The following IFT122 variants were observed in gnomAD, a reference collection of about 807,000 sequenced individuals.
The protein encoded by IFT122 is intraflagellar transport protein 122 homolog.
A neutral mutation model predicts 161.6 loss-of-function variants in IFT122; 118 were observed. That is an observed-to-expected ratio of 0.73 (90% CI 0.63 to 0.85). The LOEUF (loss-of-function observed/expected upper bound fraction) is 0.85. Among genes scored for constraint, IFT122 ranks in the 40% least tolerant of loss-of-function variants. The probability of loss-of-function intolerance (pLI) is 0.00; values close to 1 mark genes in which losing one functional copy is unlikely to be tolerated. For missense variants in IFT122, 1,381 were observed against 1,579.6 expected (o/e 0.87, Z 2.13); for synonymous variants, 550 against 602.4 (o/e 0.91, Z 1.27).
chr3:129,517,477 C>T lies in IFT122; in HGVS notation c.3274C>T (p.His1092Tyr). 1 of 1,613,838 alleles carries T rather than the reference C, an allele frequency of 6.2e-7. No individual in the cohort carries two copies. Among genetic ancestry groups the T allele is most frequent in the Non-Finnish European group, 8.5e-7 (1 of 1,179,808 alleles). The change falls in exon 27 of 30, where the codon CAC becomes TAC. Residue 1092 changes from histidine to tyrosine, a missense_variant. Transcript: ENST00000348417. ...IFSASSYDVL[H>Y]LVEFYLEEGI... is the part of the protein sequence containing the mutation. Reference sequence around the variant, plus strand: ...TTCTCTATGCCCTCCAGACGTGCTACACCTGGTTGAGTTCTACCTGGAGGA... The same window carrying T: ...TTCTCTATGCCCTCCAGACGTGCTATACCTGGTTGAGTTCTACCTGGAGGA...
At position 129,514,721 on chromosome 3, in the gene IFT122, T is replaced by G. The variant is rs143993049; in HGVS notation, c.3153+167T>G. ...ATGCCAGCTCCCCTGTGCTTCCCTGTCCACCTCCTGTTCTCCCCGCAGTCC... is the reference window on the plus strand; with the variant it reads ...ATGCCAGCTCCCCTGTGCTTCCCTGGCCACCTCCTGTTCTCCCCGCAGTCC... On this transcript the variant is annotated intron_variant, in intron 25 of 29. Coordinates refer to ENST00000348417, the MANE Select transcript of IFT122 (RefSeq NM_052989.3). 1.4e-3 allele frequency: 1,102 copies of G among 794,770 alleles called. 16 individuals are homozygous for G. Among genetic ancestry groups the G allele is most frequent in the South Asian group, 0.014 (920 of 67,600 alleles). The allele number at this position is 794,770 out of a possible 1,614,324, so 49.2% of individuals were successfully genotyped here. A position where few individuals can be genotyped will look rare whatever the true frequency, so the allele number is the denominator to read the frequency against.
At chr3:129,487,825 G>A (rs1285794255) in intron 15 of IFT122, 3 of 324,092 alleles carry the variant, frequency 9.3e-6, no homozygotes, top group Non-Finnish European at 1.8e-5. Flanking sequence ...TGGACAAAGG[G>A]CAGAGGAAGC....
intron 8 of IFT122, among the ~76,000 whole-genome samples, chr3:129,468,051 C>A (rs145072076): frequency 1.4e-4 from 22 of 152,366 alleles, no homozygotes; most frequent in Non-Finnish European, 2.6e-4. Context: ...GTGGGCTGGG[C>A]TCCTGGATTG....
chr3:129,494,226 T>A (rs185657225), intron 17 of IFT122, among the ~76,000 whole-genome samples: 1 of 152,070 alleles, frequency 6.6e-6, no homozygotes, highest in East Asian at 1.9e-4. Context: ...GTTTTTTTTT[T>A]GCAGAGATAG....
At chr3:129,490,290 C>A (rs1317166168) in intron 16 of IFT122, among the ~76,000 whole-genome samples, 1 of 152,118 alleles carries the variant, frequency 6.6e-6, no homozygotes, top group Non-Finnish European at 1.5e-5. Flanking sequence ...TCCCGAGTAC[C>A]CCACCTCTTT....
At chr3:129,459,227 C>CT (rs1479726087) in intron 4 of IFT122, 1 of 442,818 alleles carries the variant, frequency 2.3e-6, no homozygotes, top group Admixed American at 2.5e-5. Context: ...ATTCTGGTGA[C>CT]TGATCAGTAT....
chr3:129,442,703 AGGAACTCTGTTTTTTTAAGACC>A (rs1265569982), intron 1 of IFT122, among the ~76,000 whole-genome samples: 3 of 152,150 alleles, frequency 2.0e-5, no homozygotes, highest in African/African-American at 7.2e-5. Flanking sequence ...ACATAGCAGC[AGGAACTCTGTTTTTTTAAGACC>A]TGCTGCTGTG....
rs1171414576 is a variant in IFT122 at position 129,481,639 on chromosome 3, A to G, written c.1598A>G (p.Asp533Gly). Residue 533 changes from aspartate to glycine, a missense_variant, in exon 14 of 30, where the codon GAT becomes GGT. By Grantham distance (94) the Asp-to-Gly change is moderately conservative (BLOSUM62 -1). This residue lies in a region of IFT122 where 544 missense variants were observed against 648.0 expected (regional missense o/e 0.84). Transcript: ENST00000348417. ...TCCCGTAAGAAGCTGGCCGTGGTAG[A>G]TGAAAATGACACTTGCCTGGTGTAT... ...SASRKKLAVV[D>G]ENDTCLVYDI... 1 of 1,613,418 alleles carries G rather than the reference A, an allele frequency of 6.2e-7. No homozygotes were observed. Among genetic ancestry groups the G allele is most frequent in the Non-Finnish European group, 8.5e-7 (1 of 1,179,438 alleles).
At chr3:129,469,317 A>G in intron 8 of IFT122, 25 bp from the exon 9 acceptor site, 1 of 1,599,304 alleles carries the variant, frequency 6.3e-7, no homozygotes, top group Non-Finnish European at 8.6e-7. Context: ...GCCCTTCATA[A>G]CCTCTTTTAT....
At chr3:129,440,432 C>G (rs1404172697) in intron 1 of IFT122, 61 bp downstream of exon 1, 1 of 1,533,392 alleles carries the variant, frequency 6.5e-7, no homozygotes, top group South Asian at 1.2e-5. Flanking sequence ...AGTGCGCGAG[C>G]CGCTGCAGCG....
rs1194990056 is a variant in IFT122, at chr3:129,455,682, A to G, written c.194-2917A>G. Among the ~76,000 whole-genome samples, 4 of 152,106 alleles carry G rather than the reference A, an allele frequency of 2.6e-5. No individual in the cohort carries two copies. The East Asian group carries it at 7.7e-4, about 29-fold the overall frequency. ...CTGCATGTAATTTCTGAACCCCCCA[A>G]AACTTTACTATTAATAGCCTACTGT... is the stretch of plus-strand genomic sequence containing the variant. On this transcript the variant is annotated intron_variant, in intron 3 of 29. Transcript: ENST00000348417.
At position 129,487,045 on chromosome 3, in the gene IFT122, A is replaced by G. The variant is rs774682579; in HGVS notation, c.1852-1212A>G. ...AAAAATTCCTTCAATTCTAAAGCTA[A>G]AAAATGGGACTGGAAATTTCAAAGA... On this transcript the variant is annotated intron_variant, in intron 15 of 29. Transcript: ENST00000348417. Among the ~76,000 whole-genome samples, 65 of 152,350 alleles carry G rather than the reference A, an allele frequency of 4.3e-4. No individual in the cohort carries two copies. The Middle Eastern group carries it at 0.034, about 80-fold the overall frequency.
chr3:129,497,703 A>G (rs2081043607), intron 18 of IFT122, among the ~76,000 whole-genome samples: 1 of 152,076 alleles, frequency 6.6e-6, no homozygotes, highest in African/African-American at 2.4e-5. Flanking sequence ...GTTTTTGATC[A>G]CTATTCCAAG....
intron 23 of IFT122, among the ~76,000 whole-genome samples, chr3:129,509,396 A>G (rs1422023476): frequency 1.3e-5 from 2 of 152,150 alleles, no homozygotes; most frequent in South Asian, 2.1e-4. Flanking sequence ...GCCGGCCACT[A>G]TGCTCCTCAT....
intron 21 of IFT122, 93 bp from the exon 22 acceptor site, chr3:129,506,316 C>T (rs2082185563): frequency 1.4e-6 from 2 of 1,453,174 alleles, no homozygotes; most frequent in Non-Finnish European, 1.9e-6. Context: ...ACTTCCAAAG[C>T]AGCCCTGTGC....
At chr3:129,447,006 GA>G (rs1251209946) in intron 1 of IFT122, among the ~76,000 whole-genome samples, 28 of 152,124 alleles carry the variant, frequency 1.8e-4, no homozygotes, top group African/African-American at 6.5e-4. Context: ...TGGGGCATTT[GA>G]AAAATCTTTG....
At chr3:129,458,543 T>A in intron 3 of IFT122, 56 bp from the exon 4 acceptor site, 1 of 1,420,818 alleles carries the variant, frequency 7.0e-7, no homozygotes, top group African/African-American at 1.4e-5. Flanking sequence ...GAATTCTCTC[T>A]GGGAAATGCT....
intron 3 of IFT122, 74 bp downstream of exon 3, chr3:129,452,072 T>A: frequency 8.8e-7 from 1 of 1,142,398 alleles, no homozygotes; most frequent in Non-Finnish European, 1.3e-6. Context: ...AGTCACTTTT[T>A]AATTATTTCT....
intron 18 of IFT122, among the ~76,000 whole-genome samples, chr3:129,497,500 G>T (rs1362297324): frequency 1.3e-5 from 2 of 152,164 alleles, no homozygotes; most frequent in Non-Finnish European, 2.9e-5. Flanking sequence ...GGGGCCACAC[G>T]TGACCACAGA....
Sources: gnomAD v4.1 joint callset for allele counts (sites outside exome capture counted in the v4.1 genomes callset) on GRCh38, gnomAD v4.1.1 for gene constraint, gnomAD v4.1.1 regional missense constraint, MANE v1.5 for transcripts, NCBI Gene and HGNC (gene_info 2026-07-23, HGNC 2026-07-21) for gene names.